ANKRD12: variants seen among roughly 807,000 people sequenced by gnomAD.
The protein encoded by ANKRD12 is ankyrin repeat domain-containing protein 12.
A neutral mutation model predicts 183.4 loss-of-function variants in ANKRD12; 85 were observed. The ratio of observed to expected loss-of-function variants is 0.46; its 90% CI spans 0.39 to 0.56. The LOEUF (loss-of-function observed/expected upper bound fraction) is 0.56. Ranked by LOEUF, ANKRD12 falls within the 20% of genes least tolerant of loss-of-function variation. The pLI, the probability that ANKRD12 is intolerant of heterozygous loss-of-function variation, is 0.00. For synonymous variants in ANKRD12, 914 were observed against 800.2 expected (o/e 1.14, Z -2.40); for missense variants, 2,405 against 2,357.1 (o/e 1.02, Z -0.42).
chr18:9,156,398 T>C (rs537964426), intron 1 of ANKRD12, among the ~76,000 whole-genome samples: 88 of 152,192 alleles, frequency 5.8e-4, no homozygotes, highest in African/African-American at 1.9e-3. Flanking sequence ...CAGTACAGTA[T>C]TGATACAAGA....
Position 9,255,530 on chromosome 18 carries a change from A to G in ANKRD12, c.2263A>G (p.Lys755Glu), listed in dbSNP as rs1477157801. The G allele has an allele frequency of 6.3e-7, 1 of 1,578,414 alleles. No homozygotes were observed. The highest frequency in any genetic ancestry group is 8.5e-7 in the Non-Finnish European group (1 of 1,170,856). The change falls in exon 9 of 13, where the codon AAA becomes GAA. Residue 755 changes from lysine (K) to glutamate (E), a missense_variant. Around this residue, in one of 7 missense-constraint regions of ANKRD12, gnomAD observed 1,983 missense variants for 1,725.9 expected, o/e 1.15. Transcript: ENST00000262126. ...CTTTAAAGAGGAACGAGACAAGATT[A>G]AAAAGGAAAGCGAGAAATCTTTTAG... ...RNFKEERDKI[K>E]KESEKSFREE...
intron 1 of ANKRD12, among the ~76,000 whole-genome samples, chr18:9,178,381 T>C (rs1176093464): frequency 6.6e-6 from 1 of 152,098 alleles, no homozygotes; most frequent in Non-Finnish European, 1.5e-5. Flanking sequence ...TCCAAGACCG[T>C]TTATTGAAAG....
At chr18:9,182,348 A>AGGG in intron 1 of ANKRD12, 34 bp from the exon 2 acceptor site, 1 of 378,620 alleles carries the variant, frequency 2.6e-6, no homozygotes, top group Non-Finnish European at 4.3e-6. Context: ...TTGTATATAT[A>AGGG]TTCAAATAAC....
At position 9,258,053 on chromosome 18, in the gene ANKRD12, G is replaced by T. The variant is rs376041175; in HGVS notation, c.4786G>T (p.Ala1596Ser). 6 of 1,613,228 alleles carry T rather than the reference G, an allele frequency of 3.7e-6. No individual in the cohort carries two copies. The highest frequency in any genetic ancestry group is 5.1e-6 in the Non-Finnish European group (6 of 1,179,976). The change falls in exon 9 of 13, where the codon GCC becomes TCC. Residue 1596 changes from alanine to serine, a missense_variant. Around this residue, in one of 7 missense-constraint regions of ANKRD12, gnomAD observed 1,983 missense variants for 1,725.9 expected, o/e 1.15. Coordinates refer to ENST00000262126, the MANE Select transcript of ANKRD12 (RefSeq NM_015208.5). ...PSEKDFNGSD[A>S]STQLNTHYAF... ...AGAAAAGGACTTTAATGGAAGTGAT[G>T]CCTCTACCCAGCTAAATACACATTA...
rs138981321 is a variant in ANKRD12, at chr18:9,161,278, G to C, written c.-51-21104G>C. Among the ~76,000 whole-genome samples, 23 of 152,202 alleles carry C rather than the reference G, an allele frequency of 1.5e-4. 1 individual carries two copies. The East Asian group carries it at 1.7e-3, about 11-fold the overall frequency. ...AGCCATGGTAAAACTAAGTATATCT[G>C]AAAACTTAGTTGTGAAAGATTTGTA... On this transcript the variant is annotated intron_variant, in intron 1 of 12. Transcript: ENST00000262126.
chr18:9,200,192 G>A (rs943645108), intron 3 of ANKRD12, among the ~76,000 whole-genome samples: 2 of 152,156 alleles, frequency 1.3e-5, no homozygotes, highest in African/African-American at 4.8e-5. Flanking sequence ...TTCTAGAAAA[G>A]TAATTGCTTG....
In ANKRD12 at chr18:9,278,217, T is replaced by A. The variant is rs146388483; in HGVS notation, c.5908-1332T>A. Among the ~76,000 whole-genome samples, 232 of 152,194 alleles carry A rather than the reference T, an allele frequency of 1.5e-3. 1 individual carries two copies. Among genetic ancestry groups the A allele is most frequent in the African/African-American group, 5.2e-3 (216 of 41,456 alleles). Reference sequence around the variant, plus strand: ...GAACTGTTATCCACCCTTTTACAGCTGGCTTTAGAGTAGAAGGTCTCAAGT... The same window carrying A: ...GAACTGTTATCCACCCTTTTACAGCAGGCTTTAGAGTAGAAGGTCTCAAGT... On this transcript the variant is annotated intron_variant, in intron 11 of 12. Transcript: ENST00000262126.
intron 8 of ANKRD12, among the ~76,000 whole-genome samples, chr18:9,224,333 G>T (rs2036591574): frequency 6.6e-6 from 1 of 152,138 alleles, no homozygotes; most frequent in African/African-American, 2.4e-5. Flanking sequence ...GACAGAGAGA[G>T]GGGTAGGTGC....
intron 8 of ANKRD12, among the ~76,000 whole-genome samples, chr18:9,248,145 T>C (rs2038072327): frequency 6.6e-6 from 1 of 152,226 alleles, no homozygotes. Context: ...TTCAAATTTT[T>C]ACAGTTTACC....
chr18:9,266,464 A>G (rs1374083022), intron 10 of ANKRD12, among the ~76,000 whole-genome samples: 1 of 152,250 alleles, frequency 6.6e-6, no homozygotes, highest in Non-Finnish European at 1.5e-5. Context: ...CCAATATTCA[A>G]CATTCTTAAA....
chr18:9,178,343 C>CTCTCTCTCTCTCTCTT (rs35964343), intron 1 of ANKRD12, among the ~76,000 whole-genome samples: 185 of 151,116 alleles, frequency 1.2e-3, no homozygotes, highest in African/African-American at 4.4e-3. Flanking sequence ...CTCTCTCTCT[C>CTCTCTCTCTCTCTCTT]GTTTTTTGCA....
At chr18:9,235,460 T>A (rs1429344062) in intron 8 of ANKRD12, among the ~76,000 whole-genome samples, 1 of 152,212 alleles carries the variant, frequency 6.6e-6, no homozygotes, top group Admixed American at 6.5e-5. Flanking sequence ...GAAAAAAAGT[T>A]AAAATATTAC....
intron 1 of ANKRD12, among the ~76,000 whole-genome samples, chr18:9,157,531 A>G (rs949165115): frequency 1.4e-5 from 2 of 145,914 alleles, no homozygotes; most frequent in Non-Finnish European, 3.0e-5. Context: ...TTAAAATGGT[A>G]AATTTTATGG....
chr18:9,208,932 A>C, intron 5 of ANKRD12, 129 bp downstream of exon 5: 1 of 899,920 alleles, frequency 1.1e-6, no homozygotes, highest in Non-Finnish European at 1.6e-6. Flanking sequence ...AATTACTTGT[A>C]AGTCAGTGGT....
intron 3 of ANKRD12, among the ~76,000 whole-genome samples, chr18:9,203,495 ATGTC>A (rs1294508345): frequency 1.3e-5 from 2 of 152,170 alleles, no homozygotes; most frequent in Non-Finnish European, 1.5e-5. Flanking sequence ...ATAAGTAAAA[ATGTC>A]TGCTCTGGCC....
chr18:9,142,541 CAG>C (rs888479324), intron 1 of ANKRD12, among the ~76,000 whole-genome samples: 1 of 152,186 alleles, frequency 6.6e-6, no homozygotes, highest in African/African-American at 2.4e-5. Context: ...CGTTCTGAAA[CAG>C]AGTAGAGGTA....
intron 10 of ANKRD12, among the ~76,000 whole-genome samples, chr18:9,271,998 G>A (rs535298151): frequency 6.6e-6 from 1 of 152,196 alleles, no homozygotes; most frequent in South Asian, 2.1e-4. Context: ...TATACTAAAT[G>A]AACAAAGTTT....
At chr18:9,208,361 A>G (rs2035599683) in intron 4 of ANKRD12, among the ~76,000 whole-genome samples, 1 of 152,216 alleles carries the variant, frequency 6.6e-6, no homozygotes, top group African/African-American at 2.4e-5. Context: ...GTTATCAAGG[A>G]ATTAAATTTT....
chr18:9,263,807 A>G lies in ANKRD12; in HGVS notation c.5682A>G (p.Ser1894=). ...ICIPTITPPP[S]LSDPLKELFR... ...TTAATTAGATTACACCACCACCTTC[A>G]CTGTCAGATCCACTTAAAGAGCTTT... The change falls in exon 10 of 13, where the codon TCA becomes TCG. Residue 1894 remains serine (S), a synonymous_variant. Transcript: ENST00000262126. The G allele has an allele frequency of 1.3e-6, 2 of 1,563,486 alleles. No homozygotes were observed. The highest frequency in any genetic ancestry group is 1.7e-4 in the Middle Eastern group (1 of 5,918).
Sources: allele counts gnomAD v4.1 joint callset (sites outside exome capture counted in the v4.1 genomes callset), GRCh38; gene constraint gnomAD v4.1.1; regional missense constraint gnomAD v4.1.1; transcripts MANE v1.5; gene names NCBI Gene and HGNC (gene_info 2026-07-23, HGNC 2026-07-21).